Variants in PARD3 observed in about 807,000 individuals in gnomAD.
PARD3 encodes par-3 family cell polarity regulator.
Under a neutral mutation model 155.4 loss-of-function variants are expected in PARD3, and 75 were observed. The ratio of observed to expected loss-of-function variants is 0.48; its 90% CI spans 0.40 to 0.58. The LOEUF is 0.58. Among genes scored for constraint, PARD3 ranks in the 20% least tolerant of loss-of-function variants. PARD3 has a pLI of 0.00. For synonymous variants in PARD3, 576 were observed against 610.5 expected (o/e 0.94, Z 0.83); for missense variants, 1,642 against 1,721.7 (o/e 0.95, Z 0.82).
intron 20 of PARD3, among the ~76,000 whole-genome samples, chr10:34,313,358 T>C (rs959339345): frequency 5.9e-5 from 9 of 152,250 alleles, no homozygotes; most frequent in African/African-American, 2.2e-4. Context: ...GTGCAAAAGA[T>C]GTAGTATGTA....
intron 2 of PARD3, among the ~76,000 whole-genome samples, chr10:34,581,945 C>T (rs2087532856): frequency 6.6e-6 from 1 of 152,212 alleles, no homozygotes; most frequent in Non-Finnish European, 1.5e-5. Context: ...TAAAGGCATT[C>T]TTCACAACAC....
intron 7 of PARD3, among the ~76,000 whole-genome samples, chr10:34,385,033 T>C (rs1255171177): frequency 2.0e-5 from 3 of 152,242 alleles, no homozygotes; most frequent in Non-Finnish European, 4.4e-5. Flanking sequence ...CAGGACATTC[T>C]ATACAGACTG....
chr10:34,617,769 T>G (rs1023141709), intron 2 of PARD3, among the ~76,000 whole-genome samples: 2 of 152,192 alleles, frequency 1.3e-5, no homozygotes, highest in Admixed American at 1.3e-4. Context: ...TGGGACTGGC[T>G]TCATAAATTT....
intron 2 of PARD3, among the ~76,000 whole-genome samples, chr10:34,654,906 C>T (rs1039889744): frequency 6.6e-6 from 1 of 152,182 alleles, no homozygotes; most frequent in Admixed American, 6.5e-5. Flanking sequence ...CCCATCTACA[C>T]TCCCGTTGCC....
At chr10:34,457,890 A>T (rs1448952798) in intron 4 of PARD3, among the ~76,000 whole-genome samples, 1 of 152,172 alleles carries the variant, frequency 6.6e-6, no homozygotes, top group African/African-American at 2.4e-5. Flanking sequence ...ATGCACCACC[A>T]GCCTAGCCTC....
chr10:34,784,915 C>T (rs1365434386), intron 1 of PARD3, among the ~76,000 whole-genome samples: 1 of 151,412 alleles, frequency 6.6e-6, no homozygotes, highest in African/African-American at 2.5e-5. Context: ...GCATTCATTC[C>T]CATTTTCACC....
chr10:34,482,869 C>T (rs2079176272), intron 3 of PARD3, among the ~76,000 whole-genome samples: 1 of 151,780 alleles, frequency 6.6e-6, no homozygotes, highest in African/African-American at 2.4e-5. Flanking sequence ...AAAAAAAATG[C>T]AAGGTGCAGT....
chr10:34,171,269 A>G (rs1949776058), intron 22 of PARD3, among the ~76,000 whole-genome samples: 1 of 152,238 alleles, frequency 6.6e-6, no homozygotes, highest in Non-Finnish European at 1.5e-5. Flanking sequence ...GCTCAAACTG[A>G]AACGCTCAAA....
intron 2 of PARD3, among the ~76,000 whole-genome samples, chr10:34,627,306 G>A (rs570494394): frequency 6.6e-6 from 1 of 152,270 alleles, no homozygotes; most frequent in Non-Finnish European, 1.5e-5. Context: ...GGGATTACAG[G>A]CATGAGCCAC....
intron 2 of PARD3, among the ~76,000 whole-genome samples, chr10:34,641,795 C>T (rs2092686934): frequency 6.6e-6 from 1 of 152,172 alleles, no homozygotes; most frequent in Admixed American, 6.5e-5. Context: ...GGGAACAGCT[C>T]AGTAGGTGGT....
chr10:34,281,540 G>A (rs1956158613), intron 21 of PARD3, among the ~76,000 whole-genome samples: 1 of 152,018 alleles, frequency 6.6e-6, no homozygotes, highest in Admixed American at 6.6e-5. Flanking sequence ...CCATATGGAT[G>A]GCATTTACTC....
At chr10:34,428,382 G>T (rs2075730935) in intron 5 of PARD3, among the ~76,000 whole-genome samples, 1 of 152,118 alleles carries the variant, frequency 6.6e-6, no homozygotes, top group Admixed American at 6.6e-5. Flanking sequence ...CAGGTGTGGT[G>T]GTGTGTGCCT....
At chr10:34,775,989 C>T (rs959193564) in intron 1 of PARD3, among the ~76,000 whole-genome samples, 1 of 152,110 alleles carries the variant, frequency 6.6e-6, no homozygotes, top group Non-Finnish European at 1.5e-5. Context: ...CTTCGGGAGA[C>T]CAAGGCAGAA....
At chr10:34,812,896 A>G (rs1360570997) in intron 1 of PARD3, among the ~76,000 whole-genome samples, 2 of 152,164 alleles carry the variant, frequency 1.3e-5, no homozygotes, top group Non-Finnish European at 2.9e-5. Context: ...AACCACTGCT[A>G]ATCGTTAATA....
chr10:34,514,401 C>A (rs1297168607), intron 3 of PARD3, among the ~76,000 whole-genome samples: 3 of 152,204 alleles, frequency 2.0e-5, no homozygotes, highest in African/African-American at 7.2e-5. Context: ...CCAGGACTCA[C>A]CACCTAGCAC....
chr10:34,113,807 T>A (rs544492477), intron 24 of PARD3, among the ~76,000 whole-genome samples: 36 of 152,254 alleles, frequency 2.4e-4, no homozygotes, highest in Admixed American at 2.0e-3. Context: ...ACCTTACCTA[T>A]GAAACAGGCA....
intron 1 of PARD3, among the ~76,000 whole-genome samples, chr10:34,776,825 T>C (rs1359629841): frequency 1.8e-5 from 1 of 55,328 alleles, no homozygotes; most frequent in African/African-American, 7.8e-5. Context: ...TTTTCAGTCG[T>C]GTTTTTTTGT....
At chr10:34,542,239 G>GCA (rs1399660485) in intron 2 of PARD3, among the ~76,000 whole-genome samples, 2 of 144,350 alleles carry the variant, frequency 1.4e-5, no homozygotes, top group South Asian at 4.6e-4. Flanking sequence ...GTGTGTGTGT[G>GCA]CACACACACA....
intron 5 of PARD3, among the ~76,000 whole-genome samples, chr10:34,430,969 G>A (rs2075869325): frequency 6.6e-6 from 1 of 152,196 alleles, no homozygotes. Context: ...AAACTGATTG[G>A]CGTTTTCTAG....
Sources: allele counts gnomAD v4.1 joint callset (sites outside exome capture counted in the v4.1 genomes callset), GRCh38; gene constraint gnomAD v4.1.1; transcripts MANE v1.5; gene names NCBI Gene and HGNC (gene_info 2026-07-23, HGNC 2026-07-21).